PLXNA1: variants seen among roughly 807,000 people sequenced by gnomAD.
PLXNA1 encodes the protein plexin A1.
PLXNA1 carries 77 observed loss-of-function variants against 191.7 expected under a neutral mutation model. That is an observed-to-expected ratio of 0.40 (90% CI 0.33 to 0.49). The LOEUF is 0.49. PLXNA1 is among the 20% of genes least tolerant of loss of function. The probability of loss-of-function intolerance (pLI) is 0.63; values close to 1 mark genes in which losing one functional copy is unlikely to be tolerated. For synonymous variants in PLXNA1, 1,137 were observed against 1,156.4 expected, an observed-to-expected ratio of 0.98 and a Z score of 0.34; for missense variants, 2,110 against 2,660.2, an observed-to-expected ratio of 0.79 and a Z score of 4.55.
chr3:127,014,152 G>A, intron 11 of PLXNA1, 30 bp from the exon 12 acceptor site: 2 of 1,612,686 alleles, frequency 1.2e-6, no homozygotes, highest in Non-Finnish European at 1.7e-6. Flanking sequence ...GCAGTGGGCG[G>A]GCCCGAGCTG....
chr3:127,010,802 G>C (rs370536976), intron 9 of PLXNA1, among the ~76,000 whole-genome samples: 1 of 152,182 alleles, frequency 6.6e-6, no homozygotes, highest in African/African-American at 2.4e-5. Flanking sequence ...AACAAAGCCC[G>C]TCCCTCACCA....
At position 127,017,838 on chromosome 3, in the gene PLXNA1, G is replaced by A. The variant is rs76967585; in HGVS notation, c.3606G>A (p.Ser1202=). 1,078 of 1,612,852 alleles carry A rather than the reference G, an allele frequency of 6.7e-4. 11 individuals are homozygous for A. The African/African-American group carries it at 0.012, about 18-fold the overall frequency. Residue 1202 remains serine, a synonymous_variant, in exon 19 of 32, where the codon TCG becomes TCA. Coordinates refer to ENST00000393409, the MANE Select transcript of PLXNA1 (RefSeq NM_032242.4). ...CCACACCCTGTACCCTCACCGTGTC[G>A]GAGACGCAACTGCTGTGCGAGGCGC... is the stretch of plus-strand genomic sequence containing the variant. ...IGSTPCTLTV[S]ETQLLCEAPN...
In PLXNA1 at chr3:127,011,945, T is replaced by C. The variant is rs770202753; in HGVS notation, c.2113-13T>C. The C allele has an allele frequency of 1.9e-6, 3 of 1,609,410 alleles. No homozygotes were observed. Among genetic ancestry groups the C allele is most frequent in the South Asian group, 1.1e-5 (1 of 91,006 alleles). ...TCCGCCCCCGGGCTCAGCCAAACTC[T>C]TCTTATCCCCAGGACTGCCCACAGA... On this transcript the variant is annotated splice_polypyrimidine_tract_variant and intron_variant, in intron 9 of 31. Transcript: ENST00000393409.
intron 3 of PLXNA1, among the ~76,000 whole-genome samples, chr3:127,002,961 C>T (rs2079047994): frequency 6.6e-6 from 1 of 152,146 alleles, no homozygotes; most frequent in African/African-American, 2.4e-5. Flanking sequence ...CAGCCTGGCC[C>T]CAGGGATGGC....
chr3:127,025,999 G>C (rs1375291708), intron 23 of PLXNA1, among the ~76,000 whole-genome samples: 1 of 152,238 alleles, frequency 6.6e-6, no homozygotes, highest in Non-Finnish European at 1.5e-5. Context: ...GGATGGAGAA[G>C]TGCTTGTCGT....
At chr3:127,006,230 C>A in intron 8 of PLXNA1, 52 bp downstream of exon 8, 1 of 1,380,462 alleles carries the variant, frequency 7.2e-7, no homozygotes, top group Non-Finnish European at 1.0e-6. Flanking sequence ...ACTTGCCCCA[C>A]TCCCGTCCCT....
intron 2 of PLXNA1, 113 bp from the exon 3 acceptor site, chr3:126,991,271 G>A (rs775602480): frequency 5.3e-4 from 619 of 1,177,536 alleles, no homozygotes; most frequent in Middle Eastern, 2.3e-3. Context: ...TCCTCTGGGG[G>A]CTACCCCCAA....
At position 126,989,691 on chromosome 3, in the gene PLXNA1, G is replaced by A; in HGVS notation, c.1098G>A (p.Lys366=). ...GCCTGTTCACGCTCAGGGCCATCAA[G>A]GAGAAGATTAAGGAGCGCATCCAGT... ...ALCLFTLRAI[K]EKIKERIQSC... The change falls in exon 2 of 32, where the codon AAG becomes AAA. Residue 366 remains lysine (K), a synonymous_variant. Coordinates refer to ENST00000393409, the MANE Select transcript of PLXNA1 (RefSeq NM_032242.4). 1 of 1,613,142 alleles carries A rather than the reference G, an allele frequency of 6.2e-7. No individual in the cohort carries two copies. Among genetic ancestry groups the A allele is most frequent in the South Asian group, 1.1e-5 (1 of 91,084 alleles).
chr3:127,028,752 T>C, intron 25 of PLXNA1: 1 of 567,776 alleles, frequency 1.8e-6, no homozygotes, highest in Non-Finnish European at 3.1e-6. Flanking sequence ...GTTGGGGCCC[T>C]AAGGCTTGCG....
intron 29 of PLXNA1, 111 bp downstream of exon 29, chr3:127,030,523 G>A (rs964330656): frequency 2.2e-6 from 3 of 1,335,872 alleles, no homozygotes; most frequent in Admixed American, 2.0e-5. Flanking sequence ...CCCTGGCGTG[G>A]GGACACAACC....
In PLXNA1 at chr3:127,009,421, T is replaced by C. The variant is rs140298476; in HGVS notation, c.2112+1508T>C. Among the ~76,000 whole-genome samples, 177 of 152,122 alleles carry C rather than the reference T, an allele frequency of 1.2e-3. 1 individual carries two copies. The highest frequency in any genetic ancestry group is 4.1e-3 in the African/African-American group (168 of 41,476). On this transcript the variant is annotated intron_variant, in intron 9 of 31. Coordinates refer to ENST00000393409, the MANE Select transcript of PLXNA1 (RefSeq NM_032242.4). ...GGGCACGTGTGGGGTCGCAGGACTA[T>C]GTGGGGAGTGGATTCTCTCCACAAA... is the stretch of plus-strand genomic sequence containing the variant.
chr3:126,984,308 G>T (rs1399719283), intron 1 of PLXNA1, among the ~76,000 whole-genome samples: 2 of 152,236 alleles, frequency 1.3e-5, no homozygotes, highest in African/African-American at 4.8e-5. Context: ...GTGTGCCGGG[G>T]AGGGGACGTG....
At chr3:127,003,586 TG>T in intron 4 of PLXNA1, 116 bp downstream of exon 4, 8 of 1,220,296 alleles carry the variant, frequency 6.6e-6, no homozygotes, top group Non-Finnish European at 8.9e-6. Flanking sequence ...CCATGGCTCC[TG>T]GTAAAAGTAG....
chr3:126,991,351 G>C, intron 2 of PLXNA1, 33 bp from the exon 3 acceptor site: 1 of 1,606,588 alleles, frequency 6.2e-7, no homozygotes, highest in Non-Finnish European at 8.5e-7. Context: ...GAAGGTGCCC[G>C]GGGAGTGGCT....
chr3:127,019,720 G>A (rs2079143368), intron 20 of PLXNA1, among the ~76,000 whole-genome samples: 1 of 152,222 alleles, frequency 6.6e-6, no homozygotes, highest in Non-Finnish European at 1.5e-5. Flanking sequence ...GGGCCTGCCT[G>A]CCTTTGTTCC....
chr3:127,008,108 C>CA (rs2079077743), intron 9 of PLXNA1, among the ~76,000 whole-genome samples, 195 bp downstream of exon 9: 1 of 152,172 alleles, frequency 6.6e-6, no homozygotes, highest in South Asian at 2.1e-4. Flanking sequence ...CCTGTGGGGT[C>CA]ACTGTCTTGG....
intron 9 of PLXNA1, among the ~76,000 whole-genome samples, chr3:127,009,012 G>A (rs1183378144): frequency 6.6e-6 from 1 of 152,154 alleles, no homozygotes; most frequent in Non-Finnish European, 1.5e-5. Flanking sequence ...GAAGAGCCAG[G>A]CCAAGGTGTC....
chr3:127,012,189 G>C, intron 10 of PLXNA1, 31 bp downstream of exon 10: 1 of 1,597,762 alleles, frequency 6.3e-7, no homozygotes, highest in South Asian at 1.1e-5. Flanking sequence ...GCTGGGGGCC[G>C]TGAGCCGGAA....
At chr3:127,016,274 C>T (rs1039215962) in intron 15 of PLXNA1, among the ~76,000 whole-genome samples, 13 of 152,214 alleles carry the variant, frequency 8.5e-5, no homozygotes, top group Admixed American at 2.0e-4. Flanking sequence ...CCTGGAGAGG[C>T]GGCAGGCCGG....
Sources: allele counts gnomAD v4.1 joint callset (sites outside exome capture counted in the v4.1 genomes callset), GRCh38; gene constraint gnomAD v4.1.1; transcripts MANE v1.5; gene names NCBI Gene and HGNC (gene_info 2026-07-23, HGNC 2026-07-21).